The following SLMAP variants were observed in gnomAD, a reference collection of about 807,000 sequenced individuals.
The protein encoded by SLMAP is sarcolemmal membrane-associated protein.
In SLMAP, 44 loss-of-function variants were observed where a neutral mutation model predicts 128.8. That is an observed-to-expected ratio of 0.34 (90% CI 0.27 to 0.44). SLMAP has a LOEUF of 0.44. Ranked by LOEUF, SLMAP falls within the 20% of genes least tolerant of loss-of-function variation. SLMAP has a pLI of 1.00. For missense variants in SLMAP, 787 were observed against 985.3 expected, an observed-to-expected ratio of 0.80 and a Z score of 2.69; for synonymous variants, 327 against 348.8, an observed-to-expected ratio of 0.94 and a Z score of 0.70.
intron 2 of SLMAP, among the ~76,000 whole-genome samples, chr3:57,771,004 A>T (rs2080730387): frequency 6.6e-6 from 1 of 152,148 alleles, no homozygotes; most frequent in African/African-American, 2.4e-5. Flanking sequence ...GAACTTTTTG[A>T]GTACTGACAT....
At position 57,806,780 on chromosome 3, in the gene SLMAP, G is replaced by A. The variant is rs143670611; in HGVS notation, c.199-24603G>A. Among the ~76,000 whole-genome samples the A allele has an allele frequency of 1.6e-4, 24 of 152,228 alleles. 1 individual carries two copies. The highest frequency in any genetic ancestry group is 5.3e-4 in the African/African-American group (22 of 41,540). On this transcript the variant is annotated intron_variant, in intron 2 of 24. Coordinates refer to ENST00000671191, the MANE Select transcript of SLMAP (RefSeq NM_001377540.1). ...CAATCTATCATTGATGGGCATTTGGGTTGGTTCCATGTATTTGCTATTGTA... is the reference window on the plus strand; with the variant it reads ...CAATCTATCATTGATGGGCATTTGGATTGGTTCCATGTATTTGCTATTGTA...
At chr3:57,875,884 CAA>C (rs1259233120) in intron 14 of SLMAP, among the ~76,000 whole-genome samples, 1 of 152,178 alleles carries the variant, frequency 6.6e-6, no homozygotes, top group Non-Finnish European at 1.5e-5. Context: ...ATAAGCAAGA[CAA>C]ATTCAGCAAA....
chr3:57,844,657 A>G (rs1371286542), intron 4 of SLMAP, among the ~76,000 whole-genome samples: 4 of 146,962 alleles, frequency 2.7e-5, no homozygotes, highest in African/African-American at 9.7e-5. Context: ...TTGGGTCACT[A>G]AGAAAGGTGA....
intron 13 of SLMAP, among the ~76,000 whole-genome samples, chr3:57,869,107 C>A (rs1407778753): frequency 6.9e-6 from 1 of 144,314 alleles, no homozygotes; most frequent in Non-Finnish European, 1.5e-5. Context: ...CACAAGGTCC[C>A]ACATAGGCCA....
chr3:57,792,852 A>T (rs1355335862), intron 2 of SLMAP, among the ~76,000 whole-genome samples: 1 of 152,066 alleles, frequency 6.6e-6, no homozygotes. Context: ...AAACTCCTGG[A>T]TTTGACCGGG....
At chr3:57,925,334 C>CTT (rs11450622) in intron 23 of SLMAP, among the ~76,000 whole-genome samples, 56 of 120,026 alleles carry the variant, frequency 4.7e-4, no homozygotes, top group East Asian at 1.9e-3. Flanking sequence ...GTTTCTTTCT[C>CTT]TTTTTTTTTT....
Position 57,927,349 on chromosome 3 carries a change from C to T in SLMAP, c.*60C>T, listed in dbSNP as rs574924770. The T allele has an allele frequency of 3.1e-6, 5 of 1,604,570 alleles. No homozygotes were observed. The highest frequency in any genetic ancestry group is 1.1e-5 in the South Asian group (1 of 89,798). ...CTGCCCTGGTTGCAGTAACAGCCAT[C>T]GTGCTGTACGTGCCAGGTCTGGCCA... On this transcript the variant is annotated 3_prime_UTR_variant, in exon 25 of 25. Coordinates refer to ENST00000671191, the MANE Select transcript of SLMAP (RefSeq NM_001377540.1).
chr3:57,835,149 A>T (rs935810759), intron 3 of SLMAP, among the ~76,000 whole-genome samples: 12 of 106,698 alleles, frequency 1.1e-4, no homozygotes, highest in Non-Finnish European at 1.7e-4. Context: ...AAAAAAAAAA[A>T]TGCTATTAGG....
intron 4 of SLMAP, among the ~76,000 whole-genome samples, chr3:57,842,337 C>CT (rs896967139): frequency 6.6e-6 from 1 of 151,772 alleles, no homozygotes; most frequent in African/African-American, 2.4e-5. Flanking sequence ...CATTTTAATT[C>CT]TTTTTTTCCT....
chr3:57,897,149 A>T (rs1462395066), intron 17 of SLMAP: 6 of 1,299,320 alleles, frequency 4.6e-6, no homozygotes, highest in Non-Finnish European at 6.0e-6. Flanking sequence ...ATTACGAGGG[A>T]CAAAGTGTTA....
intron 2 of SLMAP, among the ~76,000 whole-genome samples, chr3:57,794,522 G>A (rs1049713505): frequency 1.3e-5 from 2 of 151,884 alleles, no homozygotes; most frequent in African/African-American, 2.4e-5. Context: ...ATCTATTACC[G>A]CTACCTAATT....
intron 21 of SLMAP, among the ~76,000 whole-genome samples, chr3:57,913,968 A>G (rs2096755750): frequency 6.7e-6 from 1 of 150,342 alleles, no homozygotes; most frequent in Admixed American, 6.6e-5. Context: ...AAACAAACCA[A>G]AAAAAAAAAT....
intron 17 of SLMAP, chr3:57,900,024 A>G (rs1282087401): frequency 6.6e-6 from 1 of 152,190 alleles, no homozygotes; most frequent in African/African-American, 2.4e-5. Context: ...TATCTGTATA[A>G]TTAGGTTCAA....
chr3:57,864,613 T>A lies in SLMAP; in HGVS notation c.1032T>A (p.His344Gln). 1 of 1,596,144 alleles carries A rather than the reference T, an allele frequency of 6.3e-7. No individual in the cohort carries two copies. The highest frequency in any genetic ancestry group is 8.5e-7 in the Non-Finnish European group (1 of 1,175,164). ...KGQAEKKELQ[H>Q]KIDEMEEKEQ... ...AGGCTGAGAAAAAAGAATTACAACA[T>A]AAAATAGATGAAATGGAAGAAAAAG... Residue 344 changes from histidine to glutamine, a missense_variant, in exon 11 of 25, where the codon CAT becomes CAA. Coordinates refer to ENST00000671191, the MANE Select transcript of SLMAP (RefSeq NM_001377540.1).
At chr3:57,798,471 T>C (rs2153487236) in intron 2 of SLMAP, among the ~76,000 whole-genome samples, 1 of 152,302 alleles carries the variant, frequency 6.6e-6, no homozygotes, top group Middle Eastern at 3.4e-3. Flanking sequence ...TAATCTAAGT[T>C]GCATGGGCTG....
At chr3:57,924,824 T>TA (rs2096973897) in intron 23 of SLMAP, among the ~76,000 whole-genome samples, 1 of 152,042 alleles carries the variant, frequency 6.6e-6, no homozygotes, top group African/African-American at 2.4e-5. Context: ...GTTAGAGGGA[T>TA]AAAATAACCA....
chr3:57,909,264 G>C (rs1289007104), intron 19 of SLMAP, 114 bp downstream of exon 19: 1 of 703,856 alleles, frequency 1.4e-6, no homozygotes, highest in African/African-American at 1.8e-5. Context: ...GCATTTGGGA[G>C]GCCGAGAAGG....
chr3:57,769,274 G>A (rs1455379463), intron 2 of SLMAP, among the ~76,000 whole-genome samples: 1 of 151,860 alleles, frequency 6.6e-6, no homozygotes, highest in African/African-American at 2.4e-5. Flanking sequence ...CTCACTGCAA[G>A]CTCTGCCTCC....
At chr3:57,864,908 T>G (rs1026180382) in intron 12 of SLMAP, 51 bp downstream of exon 12, 2 of 1,385,004 alleles carry the variant, frequency 1.4e-6, no homozygotes, top group Admixed American at 4.6e-5. Flanking sequence ...TCCTTAAACT[T>G]TTGACCTTGT....
Sources: allele counts gnomAD v4.1 joint callset (sites outside exome capture counted in the v4.1 genomes callset), GRCh38; gene constraint gnomAD v4.1.1; transcripts MANE v1.5; gene names NCBI Gene and HGNC (gene_info 2026-07-23, HGNC 2026-07-21).